The following NEDD1 variants were observed in gnomAD, a reference collection of about 807,000 sequenced individuals.
The protein encoded by NEDD1 is protein NEDD1.
Under a neutral mutation model 74.0 loss-of-function variants are expected in NEDD1, and 33 were observed. The ratio of observed to expected loss-of-function variants is 0.45; its 90% CI spans 0.34 to 0.60. The LOEUF (loss-of-function observed/expected upper bound fraction) is 0.60, where lower values mean the gene tolerates loss of function less well. Ranked by LOEUF, NEDD1 falls within the 20% of genes least tolerant of loss-of-function variation. The pLI is 0.01. For synonymous variants in NEDD1, 250 were observed against 264.4 expected, an observed-to-expected ratio of 0.95 and a Z score of 0.53; for missense variants, 746 against 776.5, an observed-to-expected ratio of 0.96 and a Z score of 0.47.
intron 6 of NEDD1, among the ~76,000 whole-genome samples, chr12:96,923,780 A>G (rs112599630): frequency 0.013 from 1,327 of 100,856 alleles, 22 homozygotes; most frequent in African/African-American, 0.038. Flanking sequence ...TTACTCCTTA[A>G]TACCTGTTTG....
intron 6 of NEDD1, among the ~76,000 whole-genome samples, chr12:96,926,326 T>C (rs189236821): frequency 1.3e-5 from 2 of 152,298 alleles, no homozygotes; most frequent in Non-Finnish European, 2.9e-5. Flanking sequence ...TTGGTTTTTT[T>C]CCCCTTTCCC....
intron 12 of NEDD1, among the ~76,000 whole-genome samples, chr12:96,944,057 A>G (rs911637145): frequency 5.9e-5 from 9 of 152,206 alleles, no homozygotes; most frequent in African/African-American, 2.2e-4. Context: ...TGCAGTATAC[A>G]ACATCAAGTT....
intron 6 of NEDD1, among the ~76,000 whole-genome samples, chr12:96,928,290 G>A (rs975761509): frequency 3.9e-5 from 6 of 152,096 alleles, no homozygotes; most frequent in Non-Finnish European, 5.9e-5. Flanking sequence ...ATGACTGGAT[G>A]TATTTCATTA....
intron 10 of NEDD1, among the ~76,000 whole-genome samples, chr12:96,940,910 T>C (rs537353578): frequency 6.6e-6 from 1 of 152,170 alleles, no homozygotes; most frequent in African/African-American, 2.4e-5. Context: ...AAAAATTGTG[T>C]GTGTATAGGT....
intron 11 of NEDD1, among the ~76,000 whole-genome samples, chr12:96,943,317 C>G (rs1465996088): frequency 1.3e-5 from 2 of 152,056 alleles, no homozygotes; most frequent in Non-Finnish European, 2.9e-5. Context: ...TCTTTGAAGC[C>G]TTACCACTCT....
At chr12:96,930,247 ACT>A (rs200691517) in intron 6 of NEDD1, among the ~76,000 whole-genome samples, 3 of 137,300 alleles carry the variant, frequency 2.2e-5, no homozygotes, top group Admixed American at 1.4e-4. Flanking sequence ...TCTCTCTCAC[ACT>A]CTCACATGCT....
At chr12:96,951,863 A>G (rs1878735925) in intron 15 of NEDD1, 86 bp from the exon 16 acceptor site, 1 of 718,206 alleles carries the variant, frequency 1.4e-6, no homozygotes, top group African/African-American at 1.8e-5. Flanking sequence ...ACATGAGAGA[A>G]ATGATAGCTG....
At chr12:96,907,551 C>G (rs1873452687) in intron 1 of NEDD1, 53 bp from the exon 2 acceptor site, 1 of 1,514,690 alleles carries the variant, frequency 6.6e-7, no homozygotes, top group Non-Finnish European at 9.0e-7. Context: ...TTTGCCTCGT[C>G]TCCACAAGTC....
intron 14 of NEDD1, among the ~76,000 whole-genome samples, chr12:96,947,718 G>A (rs1305373648): frequency 3.9e-5 from 6 of 152,166 alleles, no homozygotes; most frequent in Non-Finnish European, 8.8e-5. Flanking sequence ...GCCAGCTTTC[G>A]GGGTGGCTGG....
chr12:96,950,534 C>T (rs1426390392), intron 14 of NEDD1, among the ~76,000 whole-genome samples: 1 of 151,866 alleles, frequency 6.6e-6, no homozygotes, highest in African/African-American at 2.4e-5. Flanking sequence ...TAATGATATA[C>T]AGATATATAA....
Position 96,912,824 on chromosome 12 carries a change from GA to G in NEDD1, c.231+8del. 6.8e-7 allele frequency: 1 copy of G among 1,468,590 alleles called. No homozygotes were observed. Among genetic ancestry groups the G allele is most frequent in the African/African-American group, 1.4e-5 (1 of 70,284 alleles). 91.0% of individuals were successfully genotyped at this position (1,468,590 alleles called of 1,614,324 possible). ...TTTAGAGCTTGCTGAAGGGGTAAGT[GA>G]TTTTTTTTTTTTTTAAACTTTTAAA... On this transcript the variant is annotated splice_region_variant and intron_variant, in intron 4 of 15. Coordinates refer to ENST00000266742, the MANE Select transcript of NEDD1 (RefSeq NM_152905.4).
At chr12:96,915,170 T>C (rs1308574833) in intron 4 of NEDD1, among the ~76,000 whole-genome samples, 2 of 152,198 alleles carry the variant, frequency 1.3e-5, no homozygotes, top group African/African-American at 4.8e-5. Flanking sequence ...TATTTTTATA[T>C]GTTAGTTGAT....
rs1340107522 is a variant in NEDD1 at position 96,907,714 on chromosome 12, G to T, written c.-151G>T. The T allele has an allele frequency of 6.5e-7, 1 of 1,550,362 alleles. No homozygotes were observed. Among genetic ancestry groups the T allele is most frequent in the African/African-American group, 1.4e-5 (1 of 73,044 alleles). On this transcript the variant is annotated 5_prime_UTR_variant, in exon 2 of 16. Coordinates refer to ENST00000266742, the MANE Select transcript of NEDD1 (RefSeq NM_152905.4). ...ACTTTCATTTCAGCTGAGTGGTGTAGTTGAATTGGTTCCTGTAGCCGCTGT... is the reference window on the plus strand; with the variant it reads ...ACTTTCATTTCAGCTGAGTGGTGTATTTGAATTGGTTCCTGTAGCCGCTGT...
intron 10 of NEDD1, 92 bp downstream of exon 10, chr12:96,940,629 A>C (rs1877574626): frequency 1.2e-6 from 1 of 830,680 alleles, no homozygotes; most frequent in Admixed American, 2.7e-5. Context: ...GTCCAACTCT[A>C]TTCACGGATC....
intron 4 of NEDD1, among the ~76,000 whole-genome samples, chr12:96,913,193 C>T (rs1306962696): frequency 1.3e-5 from 2 of 152,032 alleles, no homozygotes; most frequent in African/African-American, 4.8e-5. Context: ...ATCTTGGGCT[C>T]AGGACCATCA....
rs546933975 is a variant in NEDD1 at position 96,942,667 on chromosome 12, A to G, written c.1294+43A>G. 3,114 of 968,236 alleles carry G rather than the reference A, an allele frequency of 3.2e-3. 94 individuals are homozygous for G. In the South Asian group the frequency reaches 0.04, roughly 13 times the overall value. The allele number at this position is 968,236 out of a possible 1,614,324, so 60.0% of individuals were successfully genotyped here. A position where few individuals can be genotyped will look rare whatever the true frequency, so the allele number is the denominator to read the frequency against. ...GTATTTTCGTGAAAATGAAAAGTGA[A>G]TTGTATTATCTATGCTGTGTAACAA... On this transcript the variant is annotated intron_variant, in intron 11 of 15. Transcript: ENST00000266742.
At chr12:96,928,319 C>T (rs1342164405) in intron 6 of NEDD1, among the ~76,000 whole-genome samples, 3 of 152,074 alleles carry the variant, frequency 2.0e-5, no homozygotes, top group African/African-American at 7.2e-5. Flanking sequence ...CATCATTTAC[C>T]TAAAAATCCT....
intron 6 of NEDD1, among the ~76,000 whole-genome samples, chr12:96,928,230 A>G (rs936506570): frequency 4.6e-5 from 7 of 152,130 alleles, no homozygotes; most frequent in Admixed American, 2.0e-4. Context: ...CTCATTAGTG[A>G]TCTACCCTGG....
chr12:96,934,065 A>T (rs1461067036), intron 6 of NEDD1, among the ~76,000 whole-genome samples: 1 of 152,102 alleles, frequency 6.6e-6, no homozygotes, highest in Non-Finnish European at 1.5e-5. Flanking sequence ...CCCAGTCTAG[A>T]GTGTTGCCAG....
Sources: allele counts gnomAD v4.1 joint callset (sites outside exome capture counted in the v4.1 genomes callset), GRCh38; gene constraint gnomAD v4.1.1; transcripts MANE v1.5; gene names NCBI Gene and HGNC (gene_info 2026-07-23, HGNC 2026-07-21).